Variants in ITSN1 observed in about 807,000 individuals in gnomAD.
ITSN1 encodes the protein intersectin-1.
In ITSN1, 58 loss-of-function variants were observed where a neutral mutation model predicts 239.8. The ratio of observed to expected loss-of-function variants is 0.24; its 90% CI spans 0.20 to 0.30. ITSN1 has a LOEUF of 0.30. Among genes scored for constraint, ITSN1 ranks in the 10% least tolerant of loss-of-function variants. The pLI is 1.00. For missense variants in ITSN1, 1,558 were observed against 2,103.3 expected, an observed-to-expected ratio of 0.74 and a Z score of 5.07; for synonymous variants, 780 against 770.8, an observed-to-expected ratio of 1.01 and a Z score of -0.20.
chr21:33,675,221 C>G (rs1474471550), intron 1 of ITSN1, among the ~76,000 whole-genome samples: 1 of 152,044 alleles, frequency 6.6e-6, no homozygotes, highest in Non-Finnish European at 1.5e-5. Flanking sequence ...CTGGCCCCTC[C>G]CATTTCTCAT....
At chr21:33,727,815 A>G (rs1190813963) in intron 4 of ITSN1, among the ~76,000 whole-genome samples, 1 of 151,896 alleles carries the variant, frequency 6.6e-6, no homozygotes, top group Non-Finnish European at 1.5e-5. Flanking sequence ...ACGTAATTGC[A>G]TTTACGGACT....
chr21:33,749,506 G>T (rs1388515861), intron 5 of ITSN1, among the ~76,000 whole-genome samples: 5 of 151,956 alleles, frequency 3.3e-5, no homozygotes, highest in African/African-American at 1.2e-4. Flanking sequence ...GCCGGGCATG[G>T]TGGTGGGCAC....
intron 22 of ITSN1, among the ~76,000 whole-genome samples, chr21:33,815,392 G>A (rs2073200521): frequency 6.6e-6 from 1 of 152,012 alleles, no homozygotes. Flanking sequence ...CAGTGATGGG[G>A]TGGGGGTTTG....
chr21:33,825,393 A>G (rs2071142415), intron 25 of ITSN1, among the ~76,000 whole-genome samples: 1 of 152,226 alleles, frequency 6.6e-6, no homozygotes, highest in Admixed American at 6.5e-5. Flanking sequence ...GTGTAAAAGC[A>G]AAATATCCGA....
At position 33,811,288 on chromosome 21, in the gene ITSN1, C is replaced by A. The variant is rs937608601; in HGVS notation, c.2567+66C>A. On this transcript the variant is annotated intron_variant, in intron 21 of 39. Transcript: ENST00000381318. ...CAATTTGATCATTTCCCCCCCACCC[C>A]CTTAAGTATTTTCATAGTCTTGGAT... 2.0e-5 allele frequency: 29 copies of A among 1,458,550 alleles called. No individual in the cohort carries two copies. The South Asian group carries it at 3.8e-4, about 19-fold the overall frequency. The allele number at this position is 1,458,550 out of a possible 1,614,324, so 90.4% of individuals were successfully genotyped here.
At chr21:33,739,822 C>T (rs1194645252) in intron 5 of ITSN1, among the ~76,000 whole-genome samples, 1 of 152,218 alleles carries the variant, frequency 6.6e-6, no homozygotes, top group Non-Finnish European at 1.5e-5. Context: ...AAGCAAACAA[C>T]AGATTAAGCA....
chr21:33,665,380 T>C (rs1429066733), intron 1 of ITSN1, among the ~76,000 whole-genome samples: 1 of 152,180 alleles, frequency 6.6e-6, no homozygotes, highest in Non-Finnish European at 1.5e-5. Context: ...CATGAACAGA[T>C]AGATGCTCAA....
intron 22 of ITSN1, 22 bp downstream of exon 22, chr21:33,814,094 G>A (rs570388464): frequency 6.2e-7 from 1 of 1,611,786 alleles, no homozygotes; most frequent in East Asian, 2.2e-5. Context: ...CAGTGAGAGT[G>A]TGAAGACTTA....
chr21:33,777,065 A>G (rs2069694302), intron 14 of ITSN1, among the ~76,000 whole-genome samples: 1 of 152,168 alleles, frequency 6.6e-6, no homozygotes, highest in African/African-American at 2.4e-5. Context: ...GTTTTTATAA[A>G]TTGAAAAAAA....
intron 1 of ITSN1, among the ~76,000 whole-genome samples, chr21:33,679,562 A>G (rs957623044): frequency 1.3e-5 from 2 of 152,180 alleles, no homozygotes; most frequent in African/African-American, 4.8e-5. Context: ...TGGGAGTACA[A>G]AGTTTTACAA....
At position 33,889,039 on chromosome 21, in the gene ITSN1, A is replaced by G. The variant is rs1404347598; in HGVS notation, c.*739A>G. 3 of 151,964 alleles carry G rather than the reference A, an allele frequency of 2.0e-5. No individual in the cohort carries two copies. The highest frequency in any genetic ancestry group is 2.9e-5 in the Non-Finnish European group (2 of 68,044). 9.4% of individuals were successfully genotyped at this position (151,964 alleles called of 1,614,324 possible). On this transcript the variant is annotated 3_prime_UTR_variant, in exon 40 of 40. Coordinates refer to ENST00000381318, the MANE Select transcript of ITSN1 (RefSeq NM_003024.3). ...GCTTAGAATATGGTCACAGAAAGTC[A>G]TTATCTAGAAAGTCACCCCTCTGCT...
rs768597698 is a variant in ITSN1, at chr21:33,772,148, G to T, written c.1130G>T (p.Arg377Leu). ...KRRQALLEQQ[R>L]KEQERLAQLE... ...AGGCAAGCTCTCCTGGAACAGCAGCGCAAGGAGCAGGAGCGCCTGGCCCAG... is the reference window on the plus strand; with the variant it reads ...AGGCAAGCTCTCCTGGAACAGCAGCTCAAGGAGCAGGAGCGCCTGGCCCAG... The change falls in exon 12 of 40, where the codon CGC (arginine) becomes CTC (leucine). Residue 377 changes from arginine to leucine, a missense_variant. Arg to Leu is a moderately radical substitution (Grantham distance 102). Around this residue, in one of 2 missense-constraint regions of ITSN1, gnomAD observed 982 missense variants for 1,209.9 expected, o/e 0.81. Coordinates refer to ENST00000381318, the MANE Select transcript of ITSN1 (RefSeq NM_003024.3). The T allele has an allele frequency of 1.4e-5, 23 of 1,614,230 alleles. No individual in the cohort carries two copies. The highest frequency in any genetic ancestry group is 1.9e-5 in the Non-Finnish European group (23 of 1,180,038).
At chr21:33,654,442 A>C (rs767884986) in intron 1 of ITSN1, among the ~76,000 whole-genome samples, 1 of 152,086 alleles carries the variant, frequency 6.6e-6, no homozygotes, top group Non-Finnish European at 1.5e-5. Flanking sequence ...GTTAGTTATT[A>C]GTTCCGTATT....
At chr21:33,884,410 T>C (rs1298670622) in intron 36 of ITSN1, among the ~76,000 whole-genome samples, 1 of 152,158 alleles carries the variant, frequency 6.6e-6, no homozygotes, top group South Asian at 2.1e-4. Context: ...GGGCTGTGGG[T>C]ATTTTGCTTC....
intron 21 of ITSN1, among the ~76,000 whole-genome samples, chr21:33,812,495 T>A (rs977702186): frequency 1.5e-4 from 23 of 152,298 alleles, no homozygotes; most frequent in African/African-American, 5.1e-4. Flanking sequence ...TAAAATTATT[T>A]TTTATTATTT....
intron 33 of ITSN1, among the ~76,000 whole-genome samples, chr21:33,873,614 T>C (rs1369652365): frequency 6.6e-6 from 1 of 151,752 alleles, no homozygotes; most frequent in Non-Finnish European, 1.5e-5. Flanking sequence ...CTCACGCCTG[T>C]AATCCCCGCA....
intron 29 of ITSN1, among the ~76,000 whole-genome samples, chr21:33,845,900 A>G (rs2074974977): frequency 6.6e-6 from 1 of 152,232 alleles, no homozygotes; most frequent in Non-Finnish European, 1.5e-5. Flanking sequence ...AGAGAGAGTC[A>G]GAACCCACAT....
At chr21:33,708,684 C>T (rs11910975) in intron 1 of ITSN1, among the ~76,000 whole-genome samples, 8,433 of 152,246 alleles carry the variant, frequency 0.055, 798 homozygotes, top group African/African-American at 0.19. Flanking sequence ...CCGCACCCGG[C>T]CTAATTTTTT....
intron 2 of ITSN1, among the ~76,000 whole-genome samples, chr21:33,720,102 G>A (rs2065394689): frequency 6.6e-6 from 1 of 152,140 alleles, no homozygotes; most frequent in African/African-American, 2.4e-5. Flanking sequence ...TAGTTACAGG[G>A]ATGAATTCTG....
Sources: gnomAD v4.1 joint callset for allele counts (sites outside exome capture counted in the v4.1 genomes callset) on GRCh38, gnomAD v4.1.1 for gene constraint, gnomAD v4.1.1 regional missense constraint, MANE v1.5 for transcripts, NCBI Gene and HGNC (gene_info 2026-07-23, HGNC 2026-07-21) for gene names.